RBFOX1: variants seen among roughly 807,000 people sequenced by gnomAD.
RBFOX1 encodes the protein RNA binding protein fox-1 homolog 1.
In RBFOX1, 8 loss-of-function variants were observed where a neutral mutation model predicts 57.7. The observed-to-expected ratio is 0.14, with a 90% confidence interval of 0.08 to 0.25. The LOEUF (loss-of-function observed/expected upper bound fraction) is 0.25. Among genes scored for constraint, RBFOX1 ranks in the 10% least tolerant of loss-of-function variants. The probability of loss-of-function intolerance (pLI) is 1.00; values close to 1 mark genes in which losing one functional copy is unlikely to be tolerated. For synonymous variants in RBFOX1, 326 were observed against 222.4 expected (o/e 1.47, Z -4.15); for missense variants, 611 against 548.5 (o/e 1.11, Z -1.14).
At chr16:5,583,053 G>T (rs1011553995) in intron 2 of RBFOX1, among the ~76,000 whole-genome samples, 1 of 152,164 alleles carries the variant, frequency 6.6e-6, no homozygotes. Context: ...AAGGTAACAT[G>T]CCCAAGTTCA....
At chr16:6,677,843 C>G (rs7205115) in intron 3 of RBFOX1, among the ~76,000 whole-genome samples, 4,448 of 152,130 alleles carry the variant, frequency 0.029, 126 homozygotes, top group African/African-American at 0.066. Flanking sequence ...GACTTTTACC[C>G]CATAAAATTA....
chr16:7,161,097 A>G (rs923392342), intron 4 of RBFOX1, among the ~76,000 whole-genome samples: 5 of 152,104 alleles, frequency 3.3e-5, no homozygotes, highest in Admixed American at 6.6e-5. Flanking sequence ...TGCAGAGTGT[A>G]TTTAGTGTTT....
intron 3 of RBFOX1, among the ~76,000 whole-genome samples, chr16:5,765,370 A>G (rs895022016): frequency 9.2e-5 from 14 of 152,210 alleles, no homozygotes; most frequent in African/African-American, 3.4e-4. Context: ...TTCAGTTTCA[A>G]TACACATGTC....
chr16:6,759,329 T>G (rs1415611567), intron 3 of RBFOX1, among the ~76,000 whole-genome samples: 1 of 152,114 alleles, frequency 6.6e-6, no homozygotes, highest in Non-Finnish European at 1.5e-5. Flanking sequence ...TTTTGTATTT[T>G]TAGTAGAGAC....
At chr16:6,515,852 T>A (rs2153790366) in intron 2 of RBFOX1, among the ~76,000 whole-genome samples, 1 of 152,284 alleles carries the variant, frequency 6.6e-6, no homozygotes, top group Middle Eastern at 3.4e-3. Context: ...TGGGTGAATT[T>A]CACTCTATCC....
At chr16:6,372,540 G>T (rs1400493645) in intron 2 of RBFOX1, among the ~76,000 whole-genome samples, 1 of 151,904 alleles carries the variant, frequency 6.6e-6, no homozygotes, top group African/African-American at 2.4e-5. Context: ...GGATCTTTGG[G>T]TAGGAGGATG....
chr16:6,617,188 C>T (rs758099190), intron 2 of RBFOX1, among the ~76,000 whole-genome samples: 6 of 151,788 alleles, frequency 4.0e-5, no homozygotes, highest in Admixed American at 6.6e-5. Context: ...ACCTTGATCT[C>T]ATCTGTATAG....
At chr16:7,251,109 A>G (rs759907680) in intron 4 of RBFOX1, among the ~76,000 whole-genome samples, 1 of 152,182 alleles carries the variant, frequency 6.6e-6, no homozygotes, top group Admixed American at 6.5e-5. Flanking sequence ...TCTTGAAACT[A>G]TTCCTCCTAT....
chr16:6,444,861 A>C (rs1345600770), intron 2 of RBFOX1, among the ~76,000 whole-genome samples: 1 of 152,108 alleles, frequency 6.6e-6, no homozygotes, highest in African/African-American at 2.4e-5. Flanking sequence ...GTGTGAGAAC[A>C]GGGAGTCACA....
chr16:6,290,639 A>G (rs2077378137), intron 1 of RBFOX1, among the ~76,000 whole-genome samples: 1 of 152,218 alleles, frequency 6.6e-6, no homozygotes, highest in Non-Finnish European at 1.5e-5. Context: ...TTTAGCACAC[A>G]TGGGCGAAAA....
intron 2 of RBFOX1, among the ~76,000 whole-genome samples, chr16:6,351,537 C>G (rs1013439194): frequency 6.6e-6 from 1 of 151,608 alleles, no homozygotes; most frequent in Admixed American, 6.6e-5. Flanking sequence ...CCCTGCCCAG[C>G]TAACTTTTGT....
chr16:7,211,791 G>C (rs1226982791), intron 4 of RBFOX1, among the ~76,000 whole-genome samples: 2 of 152,164 alleles, frequency 1.3e-5, no homozygotes, highest in African/African-American at 4.8e-5. Flanking sequence ...TCTCTAGGTT[G>C]CTATGAGCTT....
chr16:6,096,633 A>T (rs8062784), intron 1 of RBFOX1, among the ~76,000 whole-genome samples: 15,900 of 152,196 alleles, frequency 0.1, 1,164 homozygotes, highest in East Asian at 0.34. Context: ...CTTTCTTTTC[A>T]TTGGGTTTGA....
intron 2 of RBFOX1, among the ~76,000 whole-genome samples, chr16:6,398,031 A>T (rs1269676831): frequency 1.3e-5 from 2 of 152,216 alleles, no homozygotes; most frequent in Admixed American, 1.3e-4. Context: ...CATAAACATA[A>T]GTCCAACTAT....
chr16:5,959,498 T>G (rs192015397), intron 4 of RBFOX1, among the ~76,000 whole-genome samples: 1 of 152,222 alleles, frequency 6.6e-6, no homozygotes, highest in Non-Finnish European at 1.5e-5. Flanking sequence ...GTAGTGTTCC[T>G]CATTTTGAGT....
chr16:6,769,807 C>A (rs912960056), intron 3 of RBFOX1, among the ~76,000 whole-genome samples: 2 of 152,022 alleles, frequency 1.3e-5, no homozygotes, highest in African/African-American at 4.8e-5. Flanking sequence ...GTTTTTTTTG[C>A]AGCAATGATG....
intron 4 of RBFOX1, among the ~76,000 whole-genome samples, chr16:5,984,905 AAGAC>A (rs764369445): frequency 4.1e-4 from 61 of 149,226 alleles, no homozygotes; most frequent in Non-Finnish European, 7.0e-4. Flanking sequence ...GTACAGTAAA[AAGAC>A]AGAATAAAAA....
intron 4 of RBFOX1, among the ~76,000 whole-genome samples, chr16:7,365,572 G>T (rs553366538): frequency 6.6e-6 from 1 of 152,132 alleles, no homozygotes; most frequent in Non-Finnish European, 1.5e-5. Flanking sequence ...TGACATCTAC[G>T]GGATAGAGGC....
intron 5 of RBFOX1, among the ~76,000 whole-genome samples, chr16:7,552,108 C>T (rs2086734455): frequency 6.6e-6 from 1 of 152,200 alleles, no homozygotes. Flanking sequence ...ATTCTCTCCA[C>T]CACCCGTTTT....
Sources: gnomAD v4.1 joint callset for allele counts (sites outside exome capture counted in the v4.1 genomes callset) on GRCh38, gnomAD v4.1.1 for gene constraint, MANE v1.5 for transcripts, NCBI Gene and HGNC (gene_info 2026-07-23, HGNC 2026-07-21) for gene names.